Variants in DNAH3 observed in about 807,000 individuals in gnomAD.
The protein encoded by DNAH3 is axonemal beta dynein heavy chain 3.
DNAH3 carries 332 observed loss-of-function variants against 432.5 expected under a neutral mutation model. The ratio of observed to expected loss-of-function variants is 0.77; its 90% CI spans 0.70 to 0.84. The LOEUF (loss-of-function observed/expected upper bound fraction) is 0.84, where lower values mean the gene tolerates loss of function less well. Ranked by LOEUF, DNAH3 falls within the 40% of genes least tolerant of loss-of-function variation. DNAH3 has a pLI of 0.00. For synonymous variants in DNAH3, 1,956 were observed against 1,900.2 expected (o/e 1.03, Z -0.76); for missense variants, 4,861 against 5,114.0 (o/e 0.95, Z 1.51).
At chr16:20,973,555 A>T (rs975377611) in intron 51 of DNAH3, among the ~76,000 whole-genome samples, 1 of 152,162 alleles carries the variant, frequency 6.6e-6, no homozygotes, top group Non-Finnish European at 1.5e-5. Flanking sequence ...TCCCGGCCCT[A>T]TCTGTCATTC....
chr16:20,955,160 G>A, intron 54 of DNAH3, 103 bp from the exon 55 acceptor site: 6 of 1,157,400 alleles, frequency 5.2e-6, no homozygotes, highest in South Asian at 2.0e-5. Flanking sequence ...GACCAGCCTG[G>A]GTAACATGGT....
Position 21,145,407 on chromosome 16 carries a change from C to CTGTGTGACTTCT in DNAH3, c.223-2_223-1insAGAAGTCACACA. 1 of 1,613,346 alleles carries CTGTGTGACTTCT rather than the reference C, an allele frequency of 6.2e-7. No homozygotes were observed. On this transcript the variant is annotated splice_acceptor_variant, in intron 2 of 61. Transcript: ENST00000261383. LOFTEE classifies it high-confidence loss of function. The stretch of plus-strand genomic sequence containing the variant: ...GGTAAAAGCTGTGTGACATGACAGT[C>CTGTGTGACTTCT]TACGAGGTAAGAAGTGCAGAGTGAG...
At chr16:20,992,748 G>T (rs1318568915) in intron 44 of DNAH3, among the ~76,000 whole-genome samples, 1 of 152,194 alleles carries the variant, frequency 6.6e-6, no homozygotes, top group African/African-American at 2.4e-5. Context: ...CTGAGTAGTA[G>T]ACATGTTCAT....
intron 41 of DNAH3, among the ~76,000 whole-genome samples, chr16:21,007,809 T>C (rs947198315): frequency 6.6e-6 from 1 of 152,244 alleles, no homozygotes; most frequent in Non-Finnish European, 1.5e-5. Context: ...CTATGTTTTC[T>C]TCTAAGAGTT....
intron 16 of DNAH3, among the ~76,000 whole-genome samples, chr16:21,103,688 C>A (rs1232699015): frequency 6.6e-6 from 1 of 152,148 alleles, no homozygotes; most frequent in Non-Finnish European, 1.5e-5. Flanking sequence ...TTTATCTATT[C>A]TTGTCCTTTC....
chr16:20,948,624 G>C lies in DNAH3; in HGVS notation c.11202C>G (p.Tyr3734Ter). 6.2e-7 allele frequency: 1 copy of C among 1,614,128 alleles called. No individual in the cohort carries two copies. Among genetic ancestry groups the C allele is most frequent in the Non-Finnish European group, 8.5e-7 (1 of 1,180,008 alleles). The change falls in exon 57 of 62, where the codon TAC (tyrosine) becomes TAG (stop). Residue 3734 changes from tyrosine to a stop codon, truncating the protein, a stop_gained. Transcript: ENST00000261383. LOFTEE classifies it high-confidence loss of function. ...CTTTGTCATCAGTCACTCTGCCTCCGTAATTACATTCCCCTGGGGACAACC... is the reference window on the plus strand; with the variant it reads ...CTTTGTCATCAGTCACTCTGCCTCCCTAATTACATTCCCCTGGGGACAACC...
At chr16:21,080,803 A>G (rs1392619653) in intron 20 of DNAH3, among the ~76,000 whole-genome samples, 1 of 152,350 alleles carries the variant, frequency 6.6e-6, no homozygotes, top group Admixed American at 6.5e-5. Flanking sequence ...TGAAAAAGCA[A>G]GTAGGGTCCT....
At chr16:21,117,310 T>C (rs373745973) in exon 12 of DNAH3, 5 of 1,607,976 alleles carry the variant, frequency 3.1e-6, no homozygotes, top group East Asian at 2.2e-5. Flanking sequence ...GATTATATCC[T>C]TTCAGCTCTG....
At chr16:21,019,332 G>C (rs912570281) in intron 41 of DNAH3, 3 of 363,114 alleles carry the variant, frequency 8.3e-6, no homozygotes, top group Non-Finnish European at 1.5e-5. Flanking sequence ...AATTTTGTTT[G>C]TATTTTTAAT....
chr16:21,036,500 G>A (rs192787999), intron 35 of DNAH3, among the ~76,000 whole-genome samples: 1 of 152,060 alleles, frequency 6.6e-6, no homozygotes, highest in Admixed American at 6.6e-5. Flanking sequence ...CTGCAGCCTC[G>A]AACTCCTGGG....
exon 62 of DNAH3, chr16:20,933,200 T>C (rs1390481558): frequency 1.9e-6 from 3 of 1,614,136 alleles, no homozygotes; most frequent in Admixed American, 1.7e-5. Flanking sequence ...GTTTATCCAG[T>C]GCTTCTGGGG....
intron 14 of DNAH3, among the ~76,000 whole-genome samples, chr16:21,108,884 G>A (rs975701867): frequency 6.6e-6 from 1 of 152,120 alleles, no homozygotes; most frequent in East Asian, 1.9e-4. Context: ...CACTTTGGGA[G>A]GCCAAGGCAG....
At chr16:21,076,307 A>G (rs1392765128) in intron 20 of DNAH3, among the ~76,000 whole-genome samples, 1 of 152,218 alleles carries the variant, frequency 6.6e-6, no homozygotes, top group Non-Finnish European at 1.5e-5. Context: ...ATAGGGGAAG[A>G]CAGCCATCTG....
At chr16:21,048,725 A>C (rs149562246) in intron 31 of DNAH3, among the ~76,000 whole-genome samples, 95 of 148,764 alleles carry the variant, frequency 6.4e-4, no homozygotes, top group Non-Finnish European at 1.2e-3. Flanking sequence ...TTTTAAACAG[A>C]GTTTCACTCC....
intron 35 of DNAH3, 28 bp from the exon 36 acceptor site, chr16:21,034,113 A>G (rs1013077926): frequency 5.4e-6 from 8 of 1,487,824 alleles, no homozygotes; most frequent in Non-Finnish European, 6.6e-6. Flanking sequence ...TCATAAAAGA[A>G]GCTAATCATT....
At chr16:21,148,299 T>A (rs1237195644) in intron 1 of DNAH3, among the ~76,000 whole-genome samples, 1 of 152,150 alleles carries the variant, frequency 6.6e-6, no homozygotes, top group African/African-American at 2.4e-5. Context: ...TGCCAGGTAC[T>A]GTACAACCTC....
At chr16:21,148,800 G>A (rs1460604486) in intron 1 of DNAH3, among the ~76,000 whole-genome samples, 2 of 152,158 alleles carry the variant, frequency 1.3e-5, no homozygotes, top group Non-Finnish European at 2.9e-5. Flanking sequence ...CACAACATGA[G>A]CAGATCTAGG....
rs903320258 is a variant in DNAH3, at chr16:21,068,579, G to A, written c.3381+836C>T. Among the ~76,000 whole-genome samples, 6 of 152,096 alleles carry A rather than the reference G, an allele frequency of 3.9e-5. No individual in the cohort carries two copies. In the East Asian group the frequency reaches 1.2e-3, roughly 30 times the overall value. Reference sequence around the variant, plus strand: ...ATCCGCCTGCCTTGGCCTCCCAGAGGGCTGGAATTACAGGCGTGAGCCACC... The same window carrying A: ...ATCCGCCTGCCTTGGCCTCCCAGAGAGCTGGAATTACAGGCGTGAGCCACC... On this transcript the variant is annotated intron_variant, in intron 23 of 61. Transcript: ENST00000261383.
chr16:21,157,391 G>A (rs915719859), intron 1 of DNAH3, among the ~76,000 whole-genome samples: 1 of 148,412 alleles, frequency 6.7e-6, no homozygotes, highest in African/African-American at 2.5e-5. Flanking sequence ...CCAGGCTGGA[G>A]TGCAGTGTCT....
Sources: gnomAD v4.1 joint callset for allele counts (sites outside exome capture counted in the v4.1 genomes callset) on GRCh38, gnomAD v4.1.1 for gene constraint, MANE v1.5 for transcripts, NCBI Gene and HGNC (gene_info 2026-07-23, HGNC 2026-07-21) for gene names.